The following CMSS1 variants were observed in gnomAD, a reference collection of about 807,000 sequenced individuals.
CMSS1 encodes the protein cms1 ribosomal small subunit homolog.
In CMSS1, 33 loss-of-function variants were observed where a neutral mutation model predicts 43.5. The observed-to-expected ratio is 0.76, with a 90% CI of 0.57 to 1.01. The LOEUF is 1.01. CMSS1 is among the 50% of genes least tolerant of loss of function. CMSS1 has a pLI of 0.00. For synonymous variants in CMSS1, 115 were observed against 117.2 expected (o/e 0.98, Z 0.12); for missense variants, 313 against 326.4 (o/e 0.96, Z 0.32).
intron 1 of CMSS1, among the ~76,000 whole-genome samples, chr3:99,921,753 TTCTC>T (rs1707130332): frequency 6.6e-6 from 1 of 152,212 alleles, no homozygotes; most frequent in East Asian, 1.9e-4. Context: ...CTTAAGTTCT[TTCTC>T]TTAAATTCAT....
Position 99,929,820 on chromosome 3 carries a change from T to TA in CMSS1, c.64+111777_64+111778insA, listed in dbSNP as rs1221121233. On this transcript the variant is annotated intron_variant, in intron 1 of 9. Transcript: ENST00000421999. ...CTCATCTGCAGGGCTAGTGCTTGGC[T>TA]GCCTCCCAGGTACACACCCCTATTG... is the stretch of plus-strand genomic sequence containing the variant. 10 of 1,524,186 alleles carry TA rather than the reference T, an allele frequency of 6.6e-6. No individual in the cohort carries two copies. In the African/African-American group the frequency reaches 1.4e-4, roughly 21 times the overall value. 94.4% of individuals were successfully genotyped at this position (1,524,186 alleles called of 1,614,324 possible).
chr3:100,090,865 C>T (rs2066091497), intron 1 of CMSS1, among the ~76,000 whole-genome samples: 1 of 152,140 alleles, frequency 6.6e-6, no homozygotes, highest in Non-Finnish European at 1.5e-5. Context: ...CTGCTTCATT[C>T]CATCCCATGT....
At chr3:100,005,982 A>G (rs1275157703) in intron 1 of CMSS1, among the ~76,000 whole-genome samples, 1 of 152,206 alleles carries the variant, frequency 6.6e-6, no homozygotes. Flanking sequence ...TGCCAGAACC[A>G]GAATGGAGAA....
intron 1 of CMSS1, among the ~76,000 whole-genome samples, chr3:99,969,107 G>A (rs190673795): frequency 6.6e-6 from 1 of 152,246 alleles, no homozygotes; most frequent in East Asian, 1.9e-4. Context: ...CTGAAAAGGG[G>A]GGCCATGTGT....
intron 1 of CMSS1, among the ~76,000 whole-genome samples, chr3:99,899,532 A>G (rs1706368073): frequency 2.0e-5 from 3 of 152,228 alleles, no homozygotes; most frequent in Admixed American, 2.0e-4. Flanking sequence ...TGAGATCTAA[A>G]TGGTAGCTGT....
chr3:100,104,226 G>T (rs1212350731), intron 1 of CMSS1, among the ~76,000 whole-genome samples: 1 of 152,186 alleles, frequency 6.6e-6, no homozygotes, highest in Non-Finnish European at 1.5e-5. Flanking sequence ...GCTTGCTCAG[G>T]CAAAGCATCT....
chr3:100,069,570 A>G (rs1406024343), intron 1 of CMSS1, among the ~76,000 whole-genome samples: 1 of 152,114 alleles, frequency 6.6e-6, no homozygotes, highest in South Asian at 2.1e-4. Flanking sequence ...TCTAAAAACT[A>G]GTGGTTCCTT....
intron 1 of CMSS1, among the ~76,000 whole-genome samples, chr3:100,043,175 A>G (rs2065231804): frequency 6.6e-6 from 1 of 152,186 alleles, no homozygotes; most frequent in South Asian, 2.1e-4. Flanking sequence ...AAGCTCAGAG[A>G]GGCTTTCTTC....
At chr3:100,005,963 A>G (rs567058742) in intron 1 of CMSS1, among the ~76,000 whole-genome samples, 3 of 152,242 alleles carry the variant, frequency 2.0e-5, no homozygotes, top group South Asian at 2.1e-4. Flanking sequence ...TGCTTTTTCA[A>G]TCCACACATG....
chr3:100,027,238 A>G (rs1050747872), intron 1 of CMSS1, among the ~76,000 whole-genome samples: 9 of 152,130 alleles, frequency 5.9e-5, no homozygotes, highest in African/African-American at 2.2e-4. Context: ...TTTCTGCACT[A>G]GAATGTAGAT....
chr3:100,172,380 G>C lies in CMSS1; in HGVS notation c.644G>C (p.Arg215Thr). ...CACCTGGGTGTAGGAACTCCGGGGAGAATTAAAGAACTTGTTAAACAAGGT... is the reference window on the plus strand; with the variant it reads ...CACCTGGGTGTAGGAACTCCGGGGACAATTAAAGAACTTGTTAAACAAGGT... ...VVHLGVGTPG[R>T]IKELVKQGGL... Residue 215 changes from arginine (R) to threonine (T), a missense_variant, in exon 8 of 10, where the codon AGA (arginine) becomes ACA (threonine). Transcript: ENST00000421999. The C allele has an allele frequency of 6.2e-7, 1 of 1,613,756 alleles. No homozygotes were observed. Among genetic ancestry groups the C allele is most frequent in the South Asian group, 1.1e-5 (1 of 91,064 alleles).
At chr3:100,079,487 G>T (rs2107398872) in intron 1 of CMSS1, among the ~76,000 whole-genome samples, 1 of 152,264 alleles carries the variant, frequency 6.6e-6, no homozygotes, top group East Asian at 1.9e-4. Context: ...TTGTGGTAGA[G>T]TTTACTTCAT....
At chr3:100,174,937 T>C (rs1409156284) in intron 8 of CMSS1, among the ~76,000 whole-genome samples, 1 of 152,190 alleles carries the variant, frequency 6.6e-6, no homozygotes, top group Non-Finnish European at 1.5e-5. Flanking sequence ...TTTGAGTCTT[T>C]TTTCTATACA....
chr3:100,139,849 C>G (rs1468221776), intron 1 of CMSS1, among the ~76,000 whole-genome samples: 2 of 149,614 alleles, frequency 1.3e-5, no homozygotes, highest in Non-Finnish European at 3.0e-5. Context: ...TAAAGTTCAT[C>G]AGAACACTGC....
chr3:100,109,213 A>G (rs892246385), intron 1 of CMSS1, among the ~76,000 whole-genome samples: 1 of 151,920 alleles, frequency 6.6e-6, no homozygotes, highest in Admixed American at 6.6e-5. Flanking sequence ...GTGTGTTTTA[A>G]TATCCTAAAA....
At chr3:99,999,758 C>G (rs1559720259) in intron 1 of CMSS1, among the ~76,000 whole-genome samples, 1 of 152,192 alleles carries the variant, frequency 6.6e-6, no homozygotes, top group East Asian at 1.9e-4. Context: ...TGGTCTCTTG[C>G]TCAATGGCAA....
chr3:99,945,050 AATC>A (rs552627816), intron 1 of CMSS1, among the ~76,000 whole-genome samples: 37 of 152,266 alleles, frequency 2.4e-4, no homozygotes, highest in African/African-American at 7.9e-4. Context: ...TTAAGTCAAA[AATC>A]ATCAAGAATC....
chr3:100,166,368 A>G lies in CMSS1; in HGVS notation c.389A>G (p.His130Arg). The G allele has an allele frequency of 6.3e-7, 1 of 1,597,204 alleles. No homozygotes were observed. Among genetic ancestry groups the G allele is most frequent in the South Asian group, 1.1e-5 (1 of 90,732 alleles). Residue 130 changes from histidine to arginine, a missense_variant, in exon 5 of 10, where the codon CAC (histidine) becomes CGC (arginine). Coordinates refer to ENST00000421999, the MANE Select transcript of CMSS1 (RefSeq NM_032359.4). ...TTCCTCAAGGCCAATGATTTGACTCACAGTCTTTCCTCATACCTAAAAGAA... is the reference window on the plus strand; with the variant it reads ...TTCCTCAAGGCCAATGATTTGACTCGCAGTCTTTCCTCATACCTAAAAGAA... ...SCFLKANDLT[H>R]SLSSYLKEIC...
chr3:99,975,320 C>G (rs953537444), intron 1 of CMSS1, among the ~76,000 whole-genome samples: 1 of 152,188 alleles, frequency 6.6e-6, no homozygotes, highest in Non-Finnish European at 1.5e-5. Flanking sequence ...CCAGGAGAGA[C>G]ACAGTTCCAA....
Sources: allele counts gnomAD v4.1 joint callset (sites outside exome capture counted in the v4.1 genomes callset), GRCh38; gene constraint gnomAD v4.1.1; transcripts MANE v1.5; gene names NCBI Gene and HGNC (gene_info 2026-07-23, HGNC 2026-07-21).